SKIC2: variants seen among roughly 807,000 people sequenced by gnomAD.
SKIC2 encodes the protein SKI2 subunit of superkiller complex.
At chr6:31,961,525 C>T in the SKIC2 span, 2 of 1,581,468 alleles carry the variant, frequency 1.3e-6, no homozygotes, top group Non-Finnish European at 8.6e-7. Flanking sequence ...ATCTTTATCA[C>T]TGCTACCCCT....
chr6:31,961,055 C>G, the SKIC2 span: 1 of 1,612,082 alleles, frequency 6.2e-7, no homozygotes, highest in African/African-American at 1.3e-5. Context: ...TCTTACTATT[C>G]CACCTGGTTT....
chr6:31,968,648 A>G, the SKIC2 span: 2 of 1,566,952 alleles, frequency 1.3e-6, no homozygotes, highest in African/African-American at 2.7e-5. This position sits in a 1 kb window ranked among gnomAD's most constrained non-coding sequence, Gnocchi z 6.1. Context: ...CACCCCTGCT[A>G]AGGGGCAAGG....
chr6:31,961,987 C>T, the SKIC2 span: 3 of 1,612,778 alleles, frequency 1.9e-6, no homozygotes, highest in Non-Finnish European at 2.5e-6. Context: ...TGTCGCAGCT[C>T]ACACATCTGC....
the SKIC2 span, chr6:31,961,659 C>G: frequency 6.2e-7 from 1 of 1,612,512 alleles, no homozygotes; most frequent in Non-Finnish European, 8.5e-7. Context: ...CGCCTCATTC[C>G]CCAGCCAGCC....
the SKIC2 span, chr6:31,963,926 A>C: frequency 1.9e-6 from 3 of 1,610,472 alleles, no homozygotes; most frequent in Non-Finnish European, 2.5e-6. The surrounding 1 kb of genome is among the most constrained non-coding windows in gnomAD (Gnocchi z 5.3). Context: ...CGCGGAGTGT[A>C]CCTGTCCCTC....
the SKIC2 span, chr6:31,959,754 C>T: frequency 1.8e-6 from 1 of 557,284 alleles, no homozygotes; most frequent in South Asian, 2.4e-5. Context: ...ATCAGTGAGT[C>T]TCCAATTTCA....
the SKIC2 span, chr6:31,969,490 A>T: frequency 1.2e-6 from 2 of 1,612,636 alleles, no homozygotes; most frequent in Admixed American, 1.7e-5. The surrounding 1 kb of genome is among the most constrained non-coding windows in gnomAD (Gnocchi z 6.1). Flanking sequence ...GAGTGCATCC[A>T]GTCCTCACCC....
At chr6:31,965,850 C>T in the SKIC2 span, 1 of 1,612,850 alleles carries the variant, frequency 6.2e-7, no homozygotes, top group Non-Finnish European at 8.5e-7. The surrounding 1 kb of genome is among the most constrained non-coding windows in gnomAD (Gnocchi z 5.6). Flanking sequence ...GTGTTTGACT[C>T]CATGCGCAAA....
the SKIC2 span, chr6:31,964,215 G>T: frequency 6.2e-7 from 1 of 1,611,856 alleles, no homozygotes; most frequent in Non-Finnish European, 8.5e-7. The surrounding 1 kb of genome is among the most constrained non-coding windows in gnomAD (Gnocchi z 5.0). Flanking sequence ...CTGACCATGG[G>T]CCTCCTCCCA....
the SKIC2 span, chr6:31,960,865 T>C: frequency 3.3e-6 from 3 of 907,036 alleles, no homozygotes; most frequent in East Asian, 4.9e-5. Context: ...CAACCTTTAC[T>C]GTCATCTGCT....
At chr6:31,961,551 C>T in the SKIC2 span, 24 of 1,595,972 alleles carry the variant, frequency 1.5e-5, no homozygotes, top group East Asian at 1.1e-4. Flanking sequence ...TTCCAGGAAG[C>T]GTCCACAGCT....
At chr6:31,963,878 A>G in the SKIC2 span, 4 of 1,576,370 alleles carry the variant, frequency 2.5e-6, no homozygotes, top group East Asian at 2.2e-5. The surrounding 1 kb of genome is among the most constrained non-coding windows in gnomAD (Gnocchi z 5.3). Flanking sequence ...CAGGAACTCA[A>G]CCTCTGCTCC....
At chr6:31,969,418 A>G in the SKIC2 span, 1 of 1,614,194 alleles carries the variant, frequency 6.2e-7, no homozygotes, top group Non-Finnish European at 8.5e-7. This position sits in a 1 kb window ranked among gnomAD's most constrained non-coding sequence, Gnocchi z 6.1. Context: ...GGCCCGGGGC[A>G]TGGTGAGTAC....
the SKIC2 span, chr6:31,959,500 G>A: frequency 8.3e-6 from 7 of 847,006 alleles, no homozygotes; most frequent in South Asian, 1.5e-5. Context: ...ATCTGTGCCT[G>A]TACTCCTGTC....
chr6:31,963,762 C>T, the SKIC2 span: 2 of 1,532,774 alleles, frequency 1.3e-6, no homozygotes, highest in Admixed American at 1.8e-5. This position sits in a 1 kb window ranked among gnomAD's most constrained non-coding sequence, Gnocchi z 5.3. Flanking sequence ...TTGTACCTGC[C>T]AGCACCTGTT....
chr6:31,962,796 G>A, the SKIC2 span: 5 of 1,608,856 alleles, frequency 3.1e-6, no homozygotes, highest in Non-Finnish European at 4.3e-6. This position sits in a 1 kb window ranked among gnomAD's most constrained non-coding sequence, Gnocchi z 5.0. Context: ...CAACGATGTC[G>A]AGGTAAGGGC....
At chr6:31,966,810 G>C in the SKIC2 span, 1 of 1,614,200 alleles carries the variant, frequency 6.2e-7, no homozygotes, top group Non-Finnish European at 8.5e-7. This position sits in a 1 kb window ranked among gnomAD's most constrained non-coding sequence, Gnocchi z 5.9. Context: ...TGATGAAGAG[G>C]AGCTTCTCTG....
At chr6:31,965,321 C>G in the SKIC2 span, among the ~76,000 whole-genome samples, 1 of 152,130 alleles carries the variant, frequency 6.6e-6, no homozygotes, top group Admixed American at 6.5e-5. This position sits in a 1 kb window ranked among gnomAD's most constrained non-coding sequence, Gnocchi z 5.6. Flanking sequence ...GGGGGATGCA[C>G]CCATAGAGTG....
the SKIC2 span, chr6:31,961,919 A>G: frequency 6.2e-7 from 1 of 1,612,986 alleles, no homozygotes; most frequent in Admixed American, 1.7e-5. Context: ...TGGGCATTTG[A>G]GCCAGATGTG....
Sources: gnomAD v4.1 joint callset for allele counts (sites outside exome capture counted in the v4.1 genomes callset) on GRCh38, gnomAD v4.1.1 for gene constraint, Gnocchi (gnomAD v3.1) non-coding constraint, MANE v1.5 for transcripts, NCBI Gene and HGNC (gene_info 2026-07-23, HGNC 2026-07-21) for gene names.